Variants in DHX36 observed in about 807,000 individuals in gnomAD.
DHX36 encodes the protein DEAH-box helicase 36, also known as ATP-dependent DNA/RNA helicase DHX36.
DHX36 carries 50 observed loss-of-function variants against 139.0 expected under a neutral mutation model. That is an observed-to-expected ratio of 0.36 (90% CI 0.29 to 0.46). DHX36 has a LOEUF of 0.46. Among genes scored for constraint, DHX36 ranks in the 20% least tolerant of loss-of-function variants. DHX36 has a pLI of 1.00. For missense variants in DHX36, 1,024 were observed against 1,211.3 expected, an observed-to-expected ratio of 0.85 and a Z score of 2.29; for synonymous variants, 425 against 401.9, an observed-to-expected ratio of 1.06 and a Z score of -0.69.
In DHX36 at chr3:154,274,321, AC is replaced by A. The variant is rs1446838834; in HGVS notation, c.*1849del. The A allele has an allele frequency of 5.3e-6, 1 of 189,190 alleles. No homozygotes were observed. The highest frequency in any genetic ancestry group is 1.1e-5 in the Non-Finnish European group (1 of 94,036). The allele number at this position is 189,190 out of a possible 1,614,324, so 11.7% of individuals were successfully genotyped here. ...AGACACTGTCTCCAAAAAACAAAAA[AC>A]AAAACAAAACAAAACAAAAAACCAA... is the stretch of plus-strand genomic sequence containing the variant. On this transcript the variant is annotated 3_prime_UTR_variant, in exon 25 of 25. Coordinates refer to ENST00000496811, the MANE Select transcript of DHX36 (RefSeq NM_020865.3).
In DHX36 at chr3:154,309,857, G is replaced by GT. The variant is rs767499264; in HGVS notation, c.643-35dup. 19 of 1,453,924 alleles carry GT rather than the reference G, an allele frequency of 1.3e-5. No homozygotes were observed. The South Asian group carries it at 2.4e-4, about 19-fold the overall frequency. The allele number at this position is 1,453,924 out of a possible 1,614,324, so 90.1% of individuals were successfully genotyped here. On this transcript the variant is annotated intron_variant, in intron 4 of 24. Coordinates refer to ENST00000496811, the MANE Select transcript of DHX36 (RefSeq NM_020865.3). ...AAAGGGAAAATAAAGAATATCACAT[G>GT]TTGACTAAGTCTGAAAAAAGATATT...
chr3:154,316,313 C>G (rs1271979971), intron 1 of DHX36, 150 bp from the exon 2 acceptor site: 1 of 938,254 alleles, frequency 1.1e-6, no homozygotes, highest in African/African-American at 1.7e-5. Flanking sequence ...TAGCCCAATA[C>G]CCCCCTTCCT....
At chr3:154,296,310 T>TA (rs1332183635) in intron 12 of DHX36, among the ~76,000 whole-genome samples, 25 of 151,956 alleles carry the variant, frequency 1.6e-4, no homozygotes, top group African/African-American at 4.6e-4. Context: ...CCGTCTATAC[T>TA]AAAAATACAA....
At chr3:154,291,650 T>C (rs1256978650) in intron 15 of DHX36, among the ~76,000 whole-genome samples, 4 of 152,192 alleles carry the variant, frequency 2.6e-5, no homozygotes, top group Non-Finnish European at 5.9e-5. Flanking sequence ...AGTCAGAGCT[T>C]TATGGATATT....
intron 17 of DHX36, among the ~76,000 whole-genome samples, chr3:154,288,388 A>C (rs1479291274): frequency 6.6e-6 from 1 of 151,982 alleles, no homozygotes; most frequent in Non-Finnish European, 1.5e-5. Flanking sequence ...ATTATAGTTA[A>C]AGTCATGATA....
chr3:154,278,403 T>TAACA (rs1719223529), intron 22 of DHX36: 2 of 152,170 alleles, frequency 1.3e-5, no homozygotes, highest in Non-Finnish European at 2.9e-5. Flanking sequence ...GTTAATTACC[T>TAACA]GTATTAACTA....
intron 15 of DHX36, among the ~76,000 whole-genome samples, chr3:154,291,189 A>G (rs960404378): frequency 6.6e-6 from 1 of 150,714 alleles, no homozygotes; most frequent in Admixed American, 6.6e-5. Context: ...GCCACATACT[A>G]TAGCTTTTTC....
Position 154,300,659 on chromosome 3 carries a change from CCAT to C in DHX36, c.1393_1395del (p.Met465del), listed in dbSNP as rs781158018. 3 of 1,613,782 alleles carry C rather than the reference CCAT, an allele frequency of 1.9e-6. No homozygotes were observed. The highest frequency in any genetic ancestry group is 2.5e-6 in the Non-Finnish European group (3 of 1,179,822). ...AAATTCAGATCAACTTTATCATCCT[CCAT>C]CATTTCTATAACATCTACAGTACTT... On this transcript the variant is annotated inframe_deletion, in exon 11 of 25. Coordinates refer to ENST00000496811, the MANE Select transcript of DHX36 (RefSeq NM_020865.3).
intron 15 of DHX36, among the ~76,000 whole-genome samples, chr3:154,290,958 C>A (rs370360363): frequency 4.0e-4 from 60 of 150,492 alleles, no homozygotes; most frequent in African/African-American, 1.4e-3. Flanking sequence ...AACGGTGAAA[C>A]CCCGTCTCTA....
intron 15 of DHX36, among the ~76,000 whole-genome samples, chr3:154,291,735 T>C (rs1466020818): frequency 6.6e-6 from 1 of 152,184 alleles, no homozygotes; most frequent in Non-Finnish European, 1.5e-5. Flanking sequence ...TAAGTCTGTA[T>C]CGAAAGATTA....
chr3:154,301,889 G>A (rs760090791), intron 9 of DHX36, among the ~76,000 whole-genome samples: 4 of 151,970 alleles, frequency 2.6e-5, no homozygotes, highest in Non-Finnish European at 5.9e-5. Flanking sequence ...CTAGAGGACA[G>A]CATCTAGATG....
intron 23 of DHX36, among the ~76,000 whole-genome samples, chr3:154,277,266 T>C (rs1309245658): frequency 6.6e-6 from 1 of 152,134 alleles, no homozygotes; most frequent in African/African-American, 2.4e-5. Context: ...TGCTGAACAA[T>C]ACTTATAAGG....
intron 12 of DHX36, among the ~76,000 whole-genome samples, chr3:154,299,144 A>G (rs2108350302): frequency 6.6e-6 from 1 of 151,698 alleles, no homozygotes; most frequent in African/African-American, 2.4e-5. Flanking sequence ...ATGGTGTCAC[A>G]TGCCTGTAAT....
At position 154,324,351 on chromosome 3, in the gene DHX36, A is replaced by G. The variant is rs1298272421; in HGVS notation, c.66T>C (p.Tyr22=). The G allele has an allele frequency of 8.2e-6, 13 of 1,580,714 alleles. No individual in the cohort carries two copies. In the Admixed American group the frequency reaches 2.3e-4, roughly 28 times the overall value. ...CATGACCCCCTGCTGGCCCCCCTCC[A>G]TAGCCCCCACCGGAGCTGCGGGGAC... ...DGGPRSSGGG[Y]GGGPAGGHGG... is the part of the protein sequence containing the mutation. The change falls in exon 1 of 25, where the codon TAT becomes TAC. Residue 22 remains tyrosine (Y), a synonymous_variant. Coordinates refer to ENST00000496811, the MANE Select transcript of DHX36 (RefSeq NM_020865.3).
chr3:154,295,323 T>C lies in DHX36; in HGVS notation c.1566A>G (p.Ile522Met). 6.5e-7 allele frequency: 1 copy of C among 1,530,324 alleles called. No individual in the cohort carries two copies. The highest frequency in any genetic ancestry group is 8.9e-7 in the Non-Finnish European group (1 of 1,126,662). 94.8% of individuals were successfully genotyped at this position (1,530,324 alleles called of 1,614,324 possible). A position where few individuals can be genotyped will look rare whatever the true frequency, so the allele number is the denominator to read the frequency against. ...VMFKSDKFLI[I>M]PLHSLMPTVN... Reference sequence around the variant, plus strand: ...CTGTAGGCATCAGTGAATGTAAAGGTATAATTAAAAATTTATCTGAAAATT... The same window carrying C: ...CTGTAGGCATCAGTGAATGTAAAGGCATAATTAAAAATTTATCTGAAAATT... Residue 522 changes from isoleucine (I) to methionine (M), a missense_variant, in exon 13 of 25, where the codon ATA becomes ATG. Physicochemically the swap from Ile to Met is conservative, Grantham distance 10. This residue lies in a region of DHX36 where 470 missense variants were observed against 616.2 expected (regional missense o/e 0.76). Coordinates refer to ENST00000496811, the MANE Select transcript of DHX36 (RefSeq NM_020865.3).
chr3:154,276,206 A>T lies in DHX36; in HGVS notation c.2992T>A (p.Phe998Ile). The change falls in exon 25 of 25, where the codon TTT becomes ATT. Residue 998 changes from phenylalanine to isoleucine, a missense_variant. Around this residue, in one of 4 missense-constraint regions of DHX36, gnomAD observed 470 missense variants for 616.2 expected, o/e 0.76. Coordinates refer to ENST00000496811, the MANE Select transcript of DHX36 (RefSeq NM_020865.3). The part of the protein sequence containing the change: ...KTQEKATPRN[F>I]PPRFQDGYYS ...TATCCATCCTGGAATCGTGGCGGAA[A>T]GTTCCTGGGAGTTGCCTTTTCCTGT... 6.2e-7 allele frequency: 1 copy of T among 1,612,580 alleles called. No individual in the cohort carries two copies. Among genetic ancestry groups the T allele is most frequent in the Non-Finnish European group, 8.5e-7 (1 of 1,179,430 alleles).
At position 154,324,436 on chromosome 3, in the gene DHX36, C is replaced by A; in HGVS notation, c.-20G>T. On this transcript the variant is annotated 5_prime_UTR_variant, in exon 1 of 25. Coordinates refer to ENST00000496811, the MANE Select transcript of DHX36 (RefSeq NM_020865.3). ...ACTCATTGTCCTGGCAGACTACAAC[C>A]CGTCAGAACCAGCAACCGCTGGAAA... 6.8e-7 allele frequency: 1 copy of A among 1,464,730 alleles called. No individual in the cohort carries two copies. Among genetic ancestry groups the A allele is most frequent in the Admixed American group, 2.6e-5 (1 of 39,062 alleles). The allele number at this position is 1,464,730 out of a possible 1,614,324, so 90.7% of individuals were successfully genotyped here. A position where few individuals can be genotyped will look rare whatever the true frequency, so the allele number is the denominator to read the frequency against.
At chr3:154,282,125 T>A (rs1275623643) in intron 20 of DHX36, among the ~76,000 whole-genome samples, 1 of 152,070 alleles carries the variant, frequency 6.6e-6, no homozygotes, top group Non-Finnish European at 1.5e-5. Flanking sequence ...GTTCATTTCA[T>A]TATTTCCATT....
At chr3:154,288,332 A>G (rs1711632845) in intron 17 of DHX36, among the ~76,000 whole-genome samples, 1 of 152,042 alleles carries the variant, frequency 6.6e-6, no homozygotes, top group African/African-American at 2.4e-5. Flanking sequence ...TGAACTCTTT[A>G]TGAAGATGCA....
Sources: gnomAD v4.1 joint callset for allele counts (sites outside exome capture counted in the v4.1 genomes callset) on GRCh38, gnomAD v4.1.1 for gene constraint, gnomAD v4.1.1 regional missense constraint, MANE v1.5 for transcripts, NCBI Gene and HGNC (gene_info 2026-07-23, HGNC 2026-07-21) for gene names.